Variants in CFAP74 observed in about 807,000 individuals in gnomAD.
CFAP74 encodes the protein cilia- and flagella-associated protein 74.
Under a neutral mutation model 188.9 loss-of-function variants are expected in CFAP74, and 124 were observed. The observed-to-expected ratio is 0.66, with a 90% CI of 0.57 to 0.76. The LOEUF is 0.76. Ranked by LOEUF, CFAP74 falls within the 30% of genes least tolerant of loss-of-function variation. CFAP74 has a pLI of 0.00. For synonymous variants in CFAP74, 956 were observed against 916.7 expected (o/e 1.04, Z -0.77); for missense variants, 2,198 against 2,165.2 (o/e 1.02, Z -0.30).
At chr1:1,971,548 T>G (rs1026948980) in intron 9 of CFAP74, among the ~76,000 whole-genome samples, 1 of 152,258 alleles carries the variant, frequency 6.6e-6, no homozygotes, top group African/African-American at 2.4e-5. Context: ...ATCCCAAGCG[T>G]GGGGCTGGGT....
chr1:1,929,964 CTG>C (rs1165096334), intron 26 of CFAP74, 94 bp downstream of exon 26: 3 of 1,334,408 alleles, frequency 2.2e-6, no homozygotes, highest in Non-Finnish European at 3.0e-6. Context: ...GGTTGAAACC[CTG>C]TGGTTAAGGG....
chr1:1,965,118 G>C (rs1257266049), intron 12 of CFAP74, 57 bp from the exon 13 acceptor site: 3 of 1,541,146 alleles, frequency 1.9e-6, no homozygotes, highest in Non-Finnish European at 2.6e-6. Context: ...GGGCGGCGCC[G>C]GTGGCAGCTC....
chr1:1,994,215 T>C (rs560899556), intron 1 of CFAP74, among the ~76,000 whole-genome samples: 20 of 149,100 alleles, frequency 1.3e-4, no homozygotes, highest in Non-Finnish European at 2.2e-4. Context: ...ATGTACCTAG[T>C]ATAGAGACAG....
intron 9 of CFAP74, among the ~76,000 whole-genome samples, chr1:1,971,246 C>T (rs1451019391): frequency 1.3e-5 from 2 of 148,978 alleles, no homozygotes; most frequent in Non-Finnish European, 2.9e-5. Context: ...CACACATGCA[C>T]ACACTCACGC....
chr1:1,982,808 G>A (rs2102097594), intron 6 of CFAP74, among the ~76,000 whole-genome samples: 1 of 152,350 alleles, frequency 6.6e-6, no homozygotes, highest in South Asian at 2.1e-4. Flanking sequence ...CATCAGAGAA[G>A]GGGGTGAAAT....
At chr1:1,954,936 C>G in intron 18 of CFAP74, 1 of 1,195,616 alleles carries the variant, frequency 8.4e-7, no homozygotes, top group Non-Finnish European at 1.1e-6. Flanking sequence ...ACCACGAACG[C>G]TCCCAAGTGT....
At chr1:1,946,020 G>A (rs1207384212) in intron 20 of CFAP74, among the ~76,000 whole-genome samples, 3 of 151,744 alleles carry the variant, frequency 2.0e-5, no homozygotes, top group Non-Finnish European at 4.4e-5. Context: ...CTGCGTGTGT[G>A]CGTGTGTACG....
In CFAP74 at chr1:1,974,922, G is replaced by A. The variant is rs542819655; in HGVS notation, c.501-724C>T. Among the ~76,000 whole-genome samples the A allele has an allele frequency of 5.3e-5, 8 of 152,346 alleles. No homozygotes were observed. The East Asian group carries it at 7.7e-4, about 15-fold the overall frequency. On this transcript the variant is annotated intron_variant, in intron 6 of 38. Transcript: ENST00000682832. The stretch of plus-strand genomic sequence containing the variant: ...GCCAGGTGAGAGCCGCTGGAGAGGC[G>A]GCCTGGAAAGAGACACCTGGTGGAG...
intron 22 of CFAP74, among the ~76,000 whole-genome samples, chr1:1,940,647 T>G (rs907277537): frequency 5.9e-5 from 9 of 152,186 alleles, no homozygotes; most frequent in Non-Finnish European, 1.3e-4. Flanking sequence ...GCAACACAAG[T>G]GACTGTGGCT....
chr1:1,983,020 G>T (rs79793068), intron 6 of CFAP74, among the ~76,000 whole-genome samples: 60 of 152,342 alleles, frequency 3.9e-4, no homozygotes, highest in Non-Finnish European at 7.6e-4. Context: ...ACGAACGCAG[G>T]ATGCGGAAGG....
At chr1:1,979,025 C>G (rs1656629715) in intron 6 of CFAP74, among the ~76,000 whole-genome samples, 1 of 148,260 alleles carries the variant, frequency 6.7e-6, no homozygotes, top group African/African-American at 2.5e-5. Context: ...TCGTGCTGAG[C>G]TGGGCGTGGG....
At chr1:1,958,720 C>T (rs1251278979) in intron 16 of CFAP74, among the ~76,000 whole-genome samples, 7 of 152,194 alleles carry the variant, frequency 4.6e-5, no homozygotes, top group Admixed American at 3.9e-4. Flanking sequence ...ATGCGGGGTC[C>T]GGGTTGCAGC....
At chr1:1,928,338 A>G (rs1271525534) in intron 27 of CFAP74, among the ~76,000 whole-genome samples, 1 of 152,096 alleles carries the variant, frequency 6.6e-6, no homozygotes, top group Non-Finnish European at 1.5e-5. Flanking sequence ...CCAGGCCGGG[A>G]AGGGCAAACC....
intron 25 of CFAP74, among the ~76,000 whole-genome samples, chr1:1,934,919 G>T (rs1407204659): frequency 1.3e-4 from 18 of 139,078 alleles, no homozygotes; most frequent in African/African-American, 4.9e-4. Flanking sequence ...GTGGGTGTTA[G>T]GTTGTAGGTA....
intron 25 of CFAP74, among the ~76,000 whole-genome samples, chr1:1,933,836 T>C (rs1652608303): frequency 6.6e-6 from 1 of 152,240 alleles, no homozygotes; most frequent in Admixed American, 6.5e-5. Flanking sequence ...TTTAATTTAC[T>C]GTGTTCTTTT....
At chr1:1,935,867 T>C (rs1652852597) in intron 25 of CFAP74, among the ~76,000 whole-genome samples, 1 of 147,802 alleles carries the variant, frequency 6.8e-6, no homozygotes. Flanking sequence ...TTTTCAGCAC[T>C]ACACACACAC....
At chr1:1,987,628 G>A (rs900028464) in intron 4 of CFAP74, among the ~76,000 whole-genome samples, 5 of 151,124 alleles carry the variant, frequency 3.3e-5, no homozygotes, top group South Asian at 2.1e-4. Context: ...TGCAACCTCC[G>A]CCCCCCAGGT....
chr1:1,980,773 C>T (rs373660221), intron 6 of CFAP74, among the ~76,000 whole-genome samples: 4 of 152,326 alleles, frequency 2.6e-5, no homozygotes, highest in Middle Eastern at 6.8e-3. Flanking sequence ...AGCCCCTCCA[C>T]GGGGTCTCTC....
chr1:1,965,658 G>T (rs1012996383), intron 12 of CFAP74, among the ~76,000 whole-genome samples: 19 of 133,436 alleles, frequency 1.4e-4, no homozygotes, highest in African/African-American at 7.1e-4. Flanking sequence ...TTCCCGGGGT[G>T]GGGGGGGCAC....
Sources: allele counts gnomAD v4.1 joint callset (sites outside exome capture counted in the v4.1 genomes callset), GRCh38; gene constraint gnomAD v4.1.1; transcripts MANE v1.5; gene names NCBI Gene and HGNC (gene_info 2026-07-23, HGNC 2026-07-21).